HOOK3: variants seen among roughly 807,000 people sequenced by gnomAD.
HOOK3 encodes the protein hook microtubule tethering protein 3, also known as protein Hook homolog 3.
A neutral mutation model predicts 116.3 loss-of-function variants in HOOK3; 24 were observed. That is an observed-to-expected ratio of 0.21 (90% CI 0.15 to 0.29). The LOEUF is 0.29. Among genes scored for constraint, HOOK3 ranks in the 10% least tolerant of loss-of-function variants. The pLI, the probability that HOOK3 is intolerant of heterozygous loss-of-function variation, is 1.00. For synonymous variants in HOOK3, 275 were observed against 283.0 expected, an observed-to-expected ratio of 0.97 and a Z score of 0.28; for missense variants, 632 against 830.2, an observed-to-expected ratio of 0.76 and a Z score of 2.93.
intron 15 of HOOK3, among the ~76,000 whole-genome samples, chr8:42,989,989 A>AT (rs147203067): frequency 1.1e-3 from 161 of 152,054 alleles, no homozygotes; most frequent in African/African-American, 3.6e-3. Context: ...GTGCCTATTA[A>AT]TTTTTTTATT....
At chr8:42,911,651 G>A (rs1365336823) in intron 2 of HOOK3, among the ~76,000 whole-genome samples, 1 of 152,144 alleles carries the variant, frequency 6.6e-6, no homozygotes, top group Non-Finnish European at 1.5e-5. Context: ...TAGACTAGGA[G>A]GTGCTGAAGA....
At chr8:43,007,016 A>ATTTTTTTTTTTTTTTT (rs58609523) in intron 17 of HOOK3, among the ~76,000 whole-genome samples, 9 of 103,278 alleles carry the variant, frequency 8.7e-5, no homozygotes, top group Non-Finnish European at 1.5e-4. Context: ...AAGTTCCTAG[A>ATTTTTTTTTTTTTTTT]TTTTTTTTTT....
chr8:42,956,223 CGTGTGTGTGTGTGT>C (rs61448463), intron 6 of HOOK3, among the ~76,000 whole-genome samples: 19 of 135,806 alleles, frequency 1.4e-4, no homozygotes, highest in African/African-American at 2.4e-4. Flanking sequence ...AGGATTAGGG[CGTGTGTGTGTGTGT>C]GTGTGTGTGT....
At chr8:43,004,185 G>A (rs1809429480) in intron 17 of HOOK3, among the ~76,000 whole-genome samples, 1 of 151,574 alleles carries the variant, frequency 6.6e-6, no homozygotes, top group Admixed American at 6.6e-5. Flanking sequence ...TGGCCAACAT[G>A]GTGAAACTCT....
chr8:42,901,391 A>G (rs748114536), intron 1 of HOOK3, among the ~76,000 whole-genome samples: 4 of 152,226 alleles, frequency 2.6e-5, no homozygotes, highest in Admixed American at 6.5e-5. Context: ...AGATTTTTAA[A>G]AATTAAGGTA....
At chr8:42,958,140 G>A (rs1416608656) in intron 7 of HOOK3, among the ~76,000 whole-genome samples, 1 of 151,986 alleles carries the variant, frequency 6.6e-6, no homozygotes, top group African/African-American at 2.4e-5. Flanking sequence ...CCTAAATATC[G>A]CTTCTTAATG....
At position 43,010,642 on chromosome 8, in the gene HOOK3, C is replaced by T. The variant is rs1809587068; in HGVS notation, c.1839+237C>T. Among the ~76,000 whole-genome samples the T allele has an allele frequency of 2.0e-5, 3 of 152,216 alleles. No individual in the cohort carries two copies. The South Asian group carries it at 6.2e-4, about 32-fold the overall frequency. ...TGTACTTTGTGTGGGAAATGAGTGGCACTTGCCACCTTATTAGTCATCAAA... is the reference window on the plus strand; with the variant it reads ...TGTACTTTGTGTGGGAAATGAGTGGTACTTGCCACCTTATTAGTCATCAAA... On this transcript the variant is annotated intron_variant, in intron 19 of 21. Coordinates refer to ENST00000307602, the MANE Select transcript of HOOK3 (RefSeq NM_032410.4).
intron 4 of HOOK3, among the ~76,000 whole-genome samples, chr8:42,939,744 G>T (rs1186368232): frequency 8.0e-5 from 12 of 150,462 alleles, no homozygotes; most frequent in Admixed American, 2.0e-4. Flanking sequence ...CTGCCGGGCG[G>T]AGGGGCTCCT....
At chr8:43,007,728 G>T in intron 17 of HOOK3, 119 bp from the exon 18 acceptor site, 2 of 483,924 alleles carry the variant, frequency 4.1e-6, no homozygotes, top group East Asian at 3.2e-5. Flanking sequence ...TTTCATATAT[G>T]TTTCATATCA....
At chr8:42,950,481 T>C in intron 6 of HOOK3, 26 bp downstream of exon 6, 1 of 1,528,946 alleles carries the variant, frequency 6.5e-7, no homozygotes, top group South Asian at 1.2e-5. Context: ...ATGCTTATAG[T>C]TTATGAAAAA....
chr8:42,936,265 C>T (rs1239815666), intron 4 of HOOK3, among the ~76,000 whole-genome samples: 2 of 152,188 alleles, frequency 1.3e-5, no homozygotes, highest in Non-Finnish European at 2.9e-5. Context: ...GCTGAAGTTG[C>T]TTATCAGCTT....
At chr8:42,988,368 C>G (rs1262195703) in intron 15 of HOOK3, among the ~76,000 whole-genome samples, 2 of 152,146 alleles carry the variant, frequency 1.3e-5, no homozygotes, top group Admixed American at 1.3e-4. Flanking sequence ...TCTCCCTACC[C>G]TAGTATTTTT....
chr8:42,954,313 G>GT (rs1334168555), intron 6 of HOOK3, among the ~76,000 whole-genome samples: 5 of 152,132 alleles, frequency 3.3e-5, no homozygotes, highest in Non-Finnish European at 2.9e-5. Flanking sequence ...AACCAGGAAT[G>GT]TTTTTTAAAT....
chr8:42,951,933 G>A (rs549133476), intron 6 of HOOK3, among the ~76,000 whole-genome samples: 19 of 149,580 alleles, frequency 1.3e-4, no homozygotes, highest in East Asian at 5.9e-4. Context: ...GCGAGACTCC[G>A]TCTCAAAAAA....
At position 42,964,446 on chromosome 8, in the gene HOOK3, T is replaced by C. The variant is rs758966325; in HGVS notation, c.751T>C (p.Leu251=). The C allele has an allele frequency of 6.2e-7, 1 of 1,614,052 alleles. No homozygotes were observed. ...AAGGCATTTGCAGCTCCAGACTCAA[T>C]TAGAACAGCTCCAAGAAGAAACATT... ...GRRHLQLQTQ[L]EQLQEETFRL... The change falls in exon 9 of 22, where the codon TTA becomes CTA. Residue 251 remains leucine (L), a synonymous_variant. Coordinates refer to ENST00000307602, the MANE Select transcript of HOOK3 (RefSeq NM_032410.4).
chr8:42,940,221 T>C (rs1808080903), intron 4 of HOOK3, among the ~76,000 whole-genome samples: 1 of 152,248 alleles, frequency 6.6e-6, no homozygotes, highest in Non-Finnish European at 1.5e-5. Context: ...AGACTCCGTC[T>C]GCAATCCCGG....
intron 1 of HOOK3, among the ~76,000 whole-genome samples, chr8:42,903,063 A>C (rs1807221981): frequency 6.6e-6 from 1 of 152,210 alleles, no homozygotes; most frequent in Non-Finnish European, 1.5e-5. Flanking sequence ...GATAGTATGG[A>C]GTAAAATTCA....
At chr8:42,933,733 C>G (rs967236668) in intron 4 of HOOK3, among the ~76,000 whole-genome samples, 1 of 152,194 alleles carries the variant, frequency 6.6e-6, no homozygotes, top group African/African-American at 2.4e-5. Flanking sequence ...TCTCTTTACA[C>G]TGTGGTTTAG....
At chr8:42,954,338 A>T (rs1271368097) in intron 6 of HOOK3, among the ~76,000 whole-genome samples, 1 of 152,220 alleles carries the variant, frequency 6.6e-6, no homozygotes, top group Non-Finnish European at 1.5e-5. Flanking sequence ...TCTGTGACCA[A>T]GTGACTTTCT....
Sources: gnomAD v4.1 joint callset for allele counts (sites outside exome capture counted in the v4.1 genomes callset) on GRCh38, gnomAD v4.1.1 for gene constraint, MANE v1.5 for transcripts, NCBI Gene and HGNC (gene_info 2026-07-23, HGNC 2026-07-21) for gene names.